MSS51: variants seen among roughly 807,000 people sequenced by gnomAD.
The protein encoded by MSS51 is putative protein MSS51 homolog, mitochondrial.
Under a neutral mutation model 40.2 loss-of-function variants are expected in MSS51, and 32 were observed. The ratio of observed to expected loss-of-function variants is 0.80; its 90% CI spans 0.60 to 1.07. The LOEUF is 1.07. Among genes scored for constraint, MSS51 ranks in the 50% least tolerant of loss-of-function variants. MSS51 has a pLI of 0.00. For synonymous variants in MSS51, 178 were observed against 214.2 expected (o/e 0.83, Z 1.48); for missense variants, 518 against 568.9 (o/e 0.91, Z 0.91).
chr10:73,432,780 C>G (rs749079780), intron 1 of MSS51, among the ~76,000 whole-genome samples: 1 of 152,128 alleles, frequency 6.6e-6, no homozygotes, highest in Non-Finnish European at 1.5e-5. Flanking sequence ...CATCTATATA[C>G]ATCATCAGGT....
In MSS51 at chr10:73,427,763, A is replaced by G; in HGVS notation, c.227T>C (p.Val76Ala). 6.2e-7 allele frequency: 1 copy of G among 1,613,936 alleles called. No individual in the cohort carries two copies. The highest frequency in any genetic ancestry group is 8.5e-7 in the Non-Finnish European group (1 of 1,179,918). Residue 76 changes from valine (V) to alanine (A), a missense_variant, in exon 3 of 7, where the codon GTG (valine) becomes GCG (alanine). Coordinates refer to ENST00000299432, the MANE Select transcript of MSS51 (RefSeq NM_001024593.2). ...TGATACGGGGGTACCCCCATCTACC[A>G]CCAACCTGCAGAGACAGCATGGAGA... Reference protein sequence around the residue: ...NMKSYEEYKLVVDGGTPVSGF... With the variant: ...NMKSYEEYKLAVDGGTPVSGF...
chr10:73,427,196 A>C (rs1187868372), intron 3 of MSS51, among the ~76,000 whole-genome samples: 9 of 151,232 alleles, frequency 6.0e-5, no homozygotes, highest in Non-Finnish European at 1.0e-4. Context: ...ACAAAAAATG[A>C]GGACCTAAGT....
rs1564541639 is a variant in MSS51, at chr10:73,427,597, G to T, written c.377+16C>A. The T allele has an allele frequency of 1.9e-6, 3 of 1,596,350 alleles. No individual in the cohort carries two copies. The highest frequency in any genetic ancestry group is 4.5e-5 in the East Asian group (2 of 44,398). ...ATCATTTCTGAATGTCTCCCTATTA[G>T]CCCCCAACAAGTCACCTCTTACAGT... On this transcript the variant is annotated intron_variant, in intron 3 of 6. Transcript: ENST00000299432.
chr10:73,424,907 T>C, intron 6 of MSS51, 135 bp from the exon 7 acceptor site: 1 of 804,720 alleles, frequency 1.2e-6, no homozygotes, highest in Non-Finnish European at 2.0e-6. Flanking sequence ...GGGCTATCTT[T>C]CCCTCCCAAA....
Position 73,424,047 on chromosome 10 carries a change from T to A in MSS51, c.*506A>T, listed in dbSNP as rs1019265804. On this transcript the variant is annotated 3_prime_UTR_variant, in exon 7 of 7. Transcript: ENST00000299432. ...CTCTTCCCACCCACTAAATCTAATT[T>A]CCTATCTCTAGAAGCTACTGTGGCT... 8.3e-5 allele frequency: 13 copies of A among 157,102 alleles called. No individual in the cohort carries two copies. Among genetic ancestry groups the A allele is most frequent in the African/African-American group, 3.1e-4 (13 of 41,468 alleles). The allele number at this position is 157,102 out of a possible 1,614,324, so 9.7% of individuals were successfully genotyped here.
intron 1 of MSS51, among the ~76,000 whole-genome samples, chr10:73,429,326 TAAG>T (rs761240455): frequency 9.2e-5 from 14 of 152,212 alleles, no homozygotes; most frequent in Admixed American, 2.6e-4. Context: ...ACTTTTTTAA[TAAG>T]GAGAAAATAT....
At chr10:73,433,301 G>A (rs939999850) in intron 1 of MSS51, among the ~76,000 whole-genome samples, 8 of 151,978 alleles carry the variant, frequency 5.3e-5, no homozygotes, top group Non-Finnish European at 1.0e-4. Flanking sequence ...AATGCAAAAC[G>A]TCTTTGGAGA....
intron 5 of MSS51, 150 bp downstream of exon 5, chr10:73,425,661 C>CAAAAAA (rs1045221109): frequency 2.8e-6 from 1 of 357,860 alleles, no homozygotes. Context: ...GACTCCGTCT[C>CAAAAAA]AAAAAAAAAA....
intron 1 of MSS51, among the ~76,000 whole-genome samples, chr10:73,428,942 C>T (rs994110696): frequency 1.3e-5 from 2 of 151,716 alleles, no homozygotes; most frequent in African/African-American, 4.8e-5. Context: ...TGGTGGCTCA[C>T]GCCTGTAATC....
In MSS51 at chr10:73,426,803, A is replaced by G. The variant is rs1456064899; in HGVS notation, c.378-72T>C. ...GGGTTATCGGAGGAAAGGAACTGAT[A>G]TTCCTGCACCTAGGATGGTGAATGG... On this transcript the variant is annotated intron_variant, in intron 3 of 6. Coordinates refer to ENST00000299432, the MANE Select transcript of MSS51 (RefSeq NM_001024593.2). 1.5e-5 allele frequency: 23 copies of G among 1,549,414 alleles called. No individual in the cohort carries two copies. The East Asian group carries it at 5.2e-4, about 35-fold the overall frequency.
intron 2 of MSS51, 50 bp from the exon 3 acceptor site, chr10:73,427,818 C>T: frequency 1.3e-6 from 2 of 1,585,612 alleles, no homozygotes; most frequent in Non-Finnish European, 1.7e-6. Flanking sequence ...GGAATATCTC[C>T]AAAATCTCTC....
chr10:73,429,717 A>C (rs1160595480), intron 1 of MSS51: 1 of 455,288 alleles, frequency 2.2e-6, no homozygotes, highest in Non-Finnish European at 4.4e-6. Context: ...CCATATGAGA[A>C]AAATTAAAAT....
intron 3 of MSS51, 145 bp downstream of exon 3, chr10:73,427,468 G>C (rs913846937): frequency 4.0e-6 from 3 of 745,860 alleles, no homozygotes; most frequent in African/African-American, 3.6e-5. Context: ...AGTAGAGACA[G>C]GGTTTTGCTG....
intron 5 of MSS51, 51 bp from the exon 6 acceptor site, chr10:73,425,242 AAG>A (rs763505303): frequency 8.1e-7 from 1 of 1,232,480 alleles, no homozygotes; most frequent in Non-Finnish European, 1.1e-6. Flanking sequence ...AGCAGACCCT[AAG>A]AGCAAGATAT....
chr10:73,426,570 A>ACAGAGATCTG, intron 4 of MSS51, 37 bp downstream of exon 4: 1 of 1,612,466 alleles, frequency 6.2e-7, no homozygotes. Flanking sequence ...ATCAACTATG[A>ACAGAGATCTG]CCATTATGGC....
intron 5 of MSS51, among the ~76,000 whole-genome samples, chr10:73,425,435 G>A (rs1450490985): frequency 6.6e-6 from 1 of 152,124 alleles, no homozygotes; most frequent in Non-Finnish European, 1.5e-5. Flanking sequence ...AGCACTTTGG[G>A]AGGCAGAGGC....
intron 1 of MSS51, among the ~76,000 whole-genome samples, chr10:73,433,037 G>C (rs1332241167): frequency 6.6e-6 from 1 of 152,186 alleles, no homozygotes; most frequent in East Asian, 1.9e-4. Context: ...CAGTGACTTA[G>C]GCTCTAATTT....
chr10:73,426,337 A>G lies in MSS51; in HGVS notation c.543T>C (p.Pro181=), dbSNP rs2055988083. The G allele has an allele frequency of 4.4e-6, 7 of 1,603,400 alleles. No individual in the cohort carries two copies. Among genetic ancestry groups the G allele is most frequent in the Non-Finnish European group, 5.1e-6 (6 of 1,179,956 alleles). ...AGGAGTCCCAGTCCTGTACAGCTTC[A>G]GGTGGCCATGGCCAAGGTCCTGAGG... ...VLPSGPWPWP[P]EAVQDWDSWF... is the part of the protein sequence containing the mutation. The change falls in exon 5 of 7, where the codon CCT becomes CCC. Residue 181 remains proline (P), a synonymous_variant. Coordinates refer to ENST00000299432, the MANE Select transcript of MSS51 (RefSeq NM_001024593.2).
chr10:73,426,761 T>TA, intron 3 of MSS51, 30 bp from the exon 4 acceptor site: 1 of 1,610,520 alleles, frequency 6.2e-7, no homozygotes. Flanking sequence ...ATAGTTCTTA[T>TA]ACTATAAATA....
Sources: allele counts gnomAD v4.1 joint callset (sites outside exome capture counted in the v4.1 genomes callset), GRCh38; gene constraint gnomAD v4.1.1; transcripts MANE v1.5; gene names NCBI Gene and HGNC (gene_info 2026-07-23, HGNC 2026-07-21).